KCNC2: variants seen among roughly 807,000 people sequenced by gnomAD.
The protein encoded by KCNC2 is potassium voltage-gated channel subfamily C member 2, also known as voltage-gated potassium channel KCNC2.
In KCNC2, 21 loss-of-function variants were observed where a neutral mutation model predicts 44.5. That is an observed-to-expected ratio of 0.47 (90% confidence interval 0.33 to 0.68). The LOEUF (loss-of-function observed/expected upper bound fraction) is 0.68, where lower values mean the gene tolerates loss of function less well. KCNC2 is among the 30% of genes least tolerant of loss of function. The pLI, the probability that KCNC2 is intolerant of heterozygous loss-of-function variation, is 0.01. For missense variants in KCNC2, 589 were observed against 826.2 expected (o/e 0.71, Z 3.52); for synonymous variants, 391 against 339.1 (o/e 1.15, Z -1.68).
At chr12:75,194,687 T>C (rs781068063) in intron 2 of KCNC2, among the ~76,000 whole-genome samples, 4 of 152,176 alleles carry the variant, frequency 2.6e-5, no homozygotes, top group Non-Finnish European at 5.9e-5. Flanking sequence ...ATGTCTTATA[T>C]CCAGGAAGGG....
intron 2 of KCNC2, among the ~76,000 whole-genome samples, chr12:75,172,582 T>G (rs1371540206): frequency 6.6e-6 from 1 of 151,882 alleles, no homozygotes; most frequent in Non-Finnish European, 1.5e-5. Flanking sequence ...AATCAGCCCA[T>G]GCATCTCTCA....
At chr12:75,075,156 T>C (rs898088020) in intron 2 of KCNC2, among the ~76,000 whole-genome samples, 1 of 152,120 alleles carries the variant, frequency 6.6e-6, no homozygotes, top group Non-Finnish European at 1.5e-5. Context: ...TGGAAGTCTG[T>C]GCAAGAAAGT....
At chr12:75,175,496 C>A (rs2137606744) in intron 2 of KCNC2, among the ~76,000 whole-genome samples, 1 of 152,094 alleles carries the variant, frequency 6.6e-6, no homozygotes, top group South Asian at 2.1e-4. Context: ...CAGAATTGTA[C>A]ATTTGGTTTT....
At chr12:75,057,325 G>T (rs1221711759) in intron 2 of KCNC2, among the ~76,000 whole-genome samples, 1 of 151,850 alleles carries the variant, frequency 6.6e-6, no homozygotes, top group Admixed American at 6.6e-5. Context: ...GGTCTCTATA[G>T]AGAGAAAAAA....
intron 2 of KCNC2, among the ~76,000 whole-genome samples, chr12:75,149,110 A>G (rs1030644517): frequency 1.3e-4 from 19 of 151,826 alleles, no homozygotes; most frequent in Admixed American, 9.9e-4. Context: ...ATTCCCAATA[A>G]CTCAATTAAT....
intron 2 of KCNC2, chr12:75,123,860 A>G (rs1888212236): frequency 6.6e-6 from 1 of 152,214 alleles, no homozygotes; most frequent in African/African-American, 2.4e-5. Context: ...AAGTTCTCCA[A>G]AGGTTGTCAA....
chr12:75,067,561 C>T, intron 2 of KCNC2, among the ~76,000 whole-genome samples: 1 of 152,076 alleles, frequency 6.6e-6, no homozygotes. Flanking sequence ...ATATTGAACT[C>T]TACTTACTTT....
At chr12:75,045,704 C>T (rs1422344513) in intron 4 of KCNC2, among the ~76,000 whole-genome samples, 1 of 151,876 alleles carries the variant, frequency 6.6e-6, no homozygotes, top group Non-Finnish European at 1.5e-5. Context: ...ATGTGCTATT[C>T]ACGAGCATGT....
intron 2 of KCNC2, among the ~76,000 whole-genome samples, chr12:75,104,201 G>A (rs931142573): frequency 2.0e-5 from 3 of 152,028 alleles, no homozygotes; most frequent in East Asian, 1.9e-4. Flanking sequence ...CCGGATCATC[G>A]AGCCATGACA....
At chr12:75,128,780 T>C (rs769549738) in intron 2 of KCNC2, among the ~76,000 whole-genome samples, 6 of 152,200 alleles carry the variant, frequency 3.9e-5, no homozygotes, top group Non-Finnish European at 7.3e-5. Flanking sequence ...TACAATCATA[T>C]AATCACCAGT....
chr12:75,087,563 C>T (rs944776030), intron 2 of KCNC2, among the ~76,000 whole-genome samples: 1 of 151,984 alleles, frequency 6.6e-6, no homozygotes, highest in Non-Finnish European at 1.5e-5. Flanking sequence ...GAGTCGTGAC[C>T]TTTATCAGTC....
intron 2 of KCNC2, among the ~76,000 whole-genome samples, chr12:75,154,691 A>G (rs1441298860): frequency 6.6e-6 from 1 of 152,046 alleles, no homozygotes. Context: ...GAAATATGTG[A>G]GCTGGTCACC....
At chr12:75,115,009 G>T (rs1397557698) in intron 2 of KCNC2, among the ~76,000 whole-genome samples, 6 of 151,656 alleles carry the variant, frequency 4.0e-5, no homozygotes, top group Admixed American at 6.6e-5. Flanking sequence ...GACTACAGGC[G>T]CCCGCCACCA....
Position 75,040,115 on chromosome 12 carries a change from AT to A in KCNC2, c.*2989del, listed in dbSNP as rs1879743263. 6.6e-6 allele frequency: 1 copy of A among 152,068 alleles called. No homozygotes were observed. Among genetic ancestry groups the A allele is most frequent in the African/African-American group, 2.4e-5 (1 of 41,444 alleles). The allele number at this position is 152,068 out of a possible 1,614,324, so 9.4% of individuals were successfully genotyped here. A position where few individuals can be genotyped will look rare whatever the true frequency, so the allele number is the denominator to read the frequency against. On this transcript the variant is annotated 3_prime_UTR_variant, in exon 5 of 5. Coordinates refer to ENST00000549446, the MANE Select transcript of KCNC2 (RefSeq NM_139137.4). The stretch of plus-strand genomic sequence containing the variant: ...ATTTAATCAGATAACATTCAAGTTT[AT>A]CCCCAGCTCATTTGCCTTTTATTCT...
At chr12:75,101,990 G>A (rs144343673) in intron 2 of KCNC2, among the ~76,000 whole-genome samples, 3 of 151,946 alleles carry the variant, frequency 2.0e-5, no homozygotes, top group Non-Finnish European at 4.4e-5. Context: ...AGTATGTCTC[G>A]GCGGACTGCC....
chr12:75,070,231 C>G (rs1883259870), intron 2 of KCNC2, among the ~76,000 whole-genome samples: 1 of 152,042 alleles, frequency 6.6e-6, no homozygotes, highest in South Asian at 2.1e-4. Flanking sequence ...AGGCGGATTG[C>G]TTGAGGTCAG....
At chr12:75,047,271 G>C (rs1332541039) in intron 4 of KCNC2, among the ~76,000 whole-genome samples, 1 of 151,926 alleles carries the variant, frequency 6.6e-6, no homozygotes, top group African/African-American at 2.4e-5. Context: ...TATTTTTAAA[G>C]GGGAGGAAAA....
At chr12:75,167,303 GTTAC>G (rs1490910274) in intron 2 of KCNC2, among the ~76,000 whole-genome samples, 2 of 150,692 alleles carry the variant, frequency 1.3e-5, no homozygotes, top group Non-Finnish European at 3.0e-5. Context: ...ACAAGTGTGG[GTTAC>G]TTATTTATTT....
intron 2 of KCNC2, among the ~76,000 whole-genome samples, chr12:75,107,716 A>G (rs577722659): frequency 1.3e-5 from 2 of 152,196 alleles, no homozygotes; most frequent in South Asian, 4.1e-4. Flanking sequence ...CAACTGAAAA[A>G]AAAATCAATG....
Sources: allele counts gnomAD v4.1 joint callset (sites outside exome capture counted in the v4.1 genomes callset), GRCh38; gene constraint gnomAD v4.1.1; transcripts MANE v1.5; gene names NCBI Gene and HGNC (gene_info 2026-07-23, HGNC 2026-07-21).